Variants in ULK4 observed in about 807,000 individuals in gnomAD.
ULK4 encodes the protein unc-51 like kinase 4.
Under a neutral mutation model 160.6 loss-of-function variants are expected in ULK4, and 133 were observed. That is an observed-to-expected ratio of 0.83 (90% CI 0.72 to 0.96). The LOEUF is 0.96. ULK4 is among the 40% of genes least tolerant of loss of function. The probability of loss-of-function intolerance (pLI) is 0.00; values close to 1 mark genes in which losing one functional copy is unlikely to be tolerated. For missense variants in ULK4, 1,580 were observed against 1,499.5 expected (o/e 1.05, Z -0.89); for synonymous variants, 534 against 539.8 (o/e 0.99, Z 0.15).
intron 31 of ULK4, among the ~76,000 whole-genome samples, chr3:41,598,165 T>C (rs2031817518): frequency 6.6e-6 from 1 of 152,118 alleles, no homozygotes; most frequent in African/African-American, 2.4e-5. Flanking sequence ...GACCAGTTCC[T>C]CACTCCCTCC....
chr3:41,666,665 G>A (rs1419733898), intron 29 of ULK4, among the ~76,000 whole-genome samples: 1 of 152,164 alleles, frequency 6.6e-6, no homozygotes, highest in Admixed American at 6.5e-5. Flanking sequence ...CAGAAGGACG[G>A]ACCCACAAGC....
chr3:41,277,076 C>T (rs1284873372), intron 35 of ULK4, among the ~76,000 whole-genome samples: 2 of 151,960 alleles, frequency 1.3e-5, no homozygotes, highest in African/African-American at 2.4e-5. Context: ...CTGAAAAGAC[C>T]AATAAAAAGC....
chr3:41,271,182 C>T (rs1409432844), intron 35 of ULK4, among the ~76,000 whole-genome samples: 1 of 152,062 alleles, frequency 6.6e-6, no homozygotes, highest in Admixed American at 6.5e-5. Flanking sequence ...TCCATCATTC[C>T]TCATGCCCGT....
chr3:41,735,492 C>A (rs2037999131), intron 22 of ULK4, among the ~76,000 whole-genome samples: 1 of 152,140 alleles, frequency 6.6e-6, no homozygotes, highest in Admixed American at 6.5e-5. Context: ...CAGTGAGCTA[C>A]TCCACTGCCT....
At position 41,962,013 on chromosome 3, in the gene ULK4, C is replaced by G. The variant is rs970420311; in HGVS notation, c.-49+3G>C. On this transcript the variant is annotated splice_donor_region_variant and intron_variant, in intron 1 of 36. Coordinates refer to ENST00000301831, the MANE Select transcript of ULK4 (RefSeq NM_017886.4). ...AGCTACTAAAACCGCCACTGCCACG[C>G]ACCTGGTAGCTAAGTCAAGAAAAGA... is the stretch of plus-strand genomic sequence containing the variant. 6.6e-6 allele frequency: 1 copy of G among 152,444 alleles called. No individual in the cohort carries two copies. The highest frequency in any genetic ancestry group is 1.5e-5 in the Non-Finnish European group (1 of 68,198). The allele number at this position is 152,444 out of a possible 1,614,324, so 9.4% of individuals were successfully genotyped here. A position where few individuals can be genotyped will look rare whatever the true frequency, so the allele number is the denominator to read the frequency against.
At chr3:41,532,538 T>C (rs1265779755) in intron 32 of ULK4, among the ~76,000 whole-genome samples, 6 of 152,226 alleles carry the variant, frequency 3.9e-5, no homozygotes, top group African/African-American at 1.2e-4. Context: ...GTCAGTTTTA[T>C]TCATTGCTGT....
chr3:41,570,748 T>C lies in ULK4; in HGVS notation c.3121-4618A>G, dbSNP rs115262712. 4.0e-3 allele frequency among the ~76,000 whole-genome samples: 608 copies of C among 152,264 alleles called. 6 individuals are homozygous for C. The highest frequency in any genetic ancestry group is 0.014 in the African/African-American group (572 of 41,552). ...AGTGAGTGCCACTTGTTGATATAGG[T>C]ACTTCCTTCAATACAAAAGCTAACT... is the stretch of plus-strand genomic sequence containing the variant. On this transcript the variant is annotated intron_variant, in intron 31 of 36. Transcript: ENST00000301831.
intron 30 of ULK4, among the ~76,000 whole-genome samples, chr3:41,634,862 T>C (rs1023903975): frequency 6.6e-6 from 1 of 152,116 alleles, no homozygotes; most frequent in Non-Finnish European, 1.5e-5. Flanking sequence ...ACTGCTGCAA[T>C]GTACAGAGAA....
chr3:41,795,905 C>A (rs1388441678), intron 20 of ULK4, among the ~76,000 whole-genome samples: 2 of 152,142 alleles, frequency 1.3e-5, no homozygotes, highest in Non-Finnish European at 2.9e-5. Flanking sequence ...CTGAGAGATG[C>A]TGATGAGTTA....
At chr3:41,683,437 G>C (rs1465683172) in intron 27 of ULK4, among the ~76,000 whole-genome samples, 1 of 151,750 alleles carries the variant, frequency 6.6e-6, no homozygotes, top group East Asian at 1.9e-4. Context: ...GGAGGCATGT[G>C]AGCCAGCAGG....
chr3:41,713,629 A>C (rs1271822008), intron 25 of ULK4, among the ~76,000 whole-genome samples: 3 of 151,768 alleles, frequency 2.0e-5, no homozygotes, highest in Non-Finnish European at 4.4e-5. Flanking sequence ...AACTGCTAAA[A>C]TTTTTTCAGT....
At position 41,681,772 on chromosome 3, in the gene ULK4, G is replaced by T; in HGVS notation, c.2814C>A (p.Ser938=). 6.2e-7 allele frequency: 1 copy of T among 1,614,026 alleles called. No homozygotes were observed. The highest frequency in any genetic ancestry group is 8.5e-7 in the Non-Finnish European group (1 of 1,179,966). The change falls in exon 28 of 37, where the codon TCC becomes TCA. Residue 938 remains serine (S), a synonymous_variant. Coordinates refer to ENST00000301831, the MANE Select transcript of ULK4 (RefSeq NM_017886.4). ...ACTTACCATTTTGGCTTTGAACCAA[G>T]GACACCAAGGGTGGCAGTATATAGT... ...VVDYILPPLV[S]LVQSQNVEWR...
At chr3:41,859,301 C>T (rs2042442253) in intron 17 of ULK4, 2 of 570,282 alleles carry the variant, frequency 3.5e-6, no homozygotes, top group Admixed American at 2.1e-5. Flanking sequence ...AGAAGGCATT[C>T]TCTCCTCGTG....
chr3:41,855,560 ATAACT>A (rs1396437839), intron 17 of ULK4, among the ~76,000 whole-genome samples: 3 of 152,214 alleles, frequency 2.0e-5, no homozygotes, highest in Admixed American at 6.5e-5. Flanking sequence ...AGATACCGTA[ATAACT>A]TAAGTTATGG....
chr3:41,571,271 T>G (rs570309999), intron 31 of ULK4, among the ~76,000 whole-genome samples: 4 of 152,158 alleles, frequency 2.6e-5, no homozygotes, highest in Non-Finnish European at 1.5e-5. Context: ...GATGATGACA[T>G]GGTTCTCTAG....
intron 30 of ULK4, among the ~76,000 whole-genome samples, chr3:41,650,458 C>A (rs561854286): frequency 6.6e-6 from 1 of 152,360 alleles, no homozygotes; most frequent in African/African-American, 2.4e-5. Flanking sequence ...CTGGATGCTA[C>A]CACGTTCCCC....
At chr3:41,691,983 G>A (rs997695351) in intron 27 of ULK4, among the ~76,000 whole-genome samples, 6 of 113,228 alleles carry the variant, frequency 5.3e-5, no homozygotes, top group African/African-American at 1.8e-4. Flanking sequence ...ACTGAGTCTC[G>A]CTCTTTCACC....
At chr3:41,549,242 T>C (rs1173157287) in intron 32 of ULK4, among the ~76,000 whole-genome samples, 1 of 151,988 alleles carries the variant, frequency 6.6e-6, no homozygotes, top group Non-Finnish European at 1.5e-5. Flanking sequence ...TTGAAACTAA[T>C]GATATTAAAG....
intron 17 of ULK4, among the ~76,000 whole-genome samples, chr3:41,880,269 G>C (rs1341824262): frequency 6.6e-6 from 1 of 152,136 alleles, no homozygotes; most frequent in Non-Finnish European, 1.5e-5. Context: ...TGATTACAGA[G>C]TGGTAAATGT....
Sources: allele counts gnomAD v4.1 joint callset (sites outside exome capture counted in the v4.1 genomes callset), GRCh38; gene constraint gnomAD v4.1.1; transcripts MANE v1.5; gene names NCBI Gene and HGNC (gene_info 2026-07-23, HGNC 2026-07-21).